The following CADPS2 variants were observed in gnomAD, a reference collection of about 807,000 sequenced individuals.
CADPS2 encodes calcium dependent secretion activator 2, also known as calcium-dependent secretion activator 2.
A neutral mutation model predicts 172.5 loss-of-function variants in CADPS2; 93 were observed. That is an observed-to-expected ratio of 0.54 (90% CI 0.46 to 0.64). CADPS2 has a LOEUF of 0.64. Among genes scored for constraint, CADPS2 ranks in the 30% least tolerant of loss-of-function variants. The pLI is 0.00. For missense variants in CADPS2, 1,420 were observed against 1,565.9 expected (o/e 0.91, Z 1.57); for synonymous variants, 546 against 555.2 (o/e 0.98, Z 0.23).
At chr7:122,576,326 G>C (rs1237649844) in intron 7 of CADPS2, among the ~76,000 whole-genome samples, 1 of 152,084 alleles carries the variant, frequency 6.6e-6, no homozygotes, top group Non-Finnish European at 1.5e-5. Context: ...TCATCACTTG[G>C]TTATCAAGAG....
intron 6 of CADPS2, among the ~76,000 whole-genome samples, chr7:122,586,122 C>T (rs1475907720): frequency 6.6e-6 from 1 of 151,730 alleles, no homozygotes; most frequent in Non-Finnish European, 1.5e-5. Context: ...CAACATAAAA[C>T]CATGCATGAT....
At chr7:122,411,556 T>A (rs2047323633) in intron 19 of CADPS2, among the ~76,000 whole-genome samples, 1 of 152,108 alleles carries the variant, frequency 6.6e-6, no homozygotes, top group African/African-American at 2.4e-5. Context: ...TAAAAATTTA[T>A]AACTTAAAAC....
At chr7:122,852,338 A>C (rs2141122953) in intron 1 of CADPS2, among the ~76,000 whole-genome samples, 1 of 152,346 alleles carries the variant, frequency 6.6e-6, no homozygotes, top group Non-Finnish European at 1.5e-5. Context: ...CAAAACTGAC[A>C]GGAGAATTTT....
chr7:122,619,632 A>T (rs1046177557), intron 5 of CADPS2, among the ~76,000 whole-genome samples: 2 of 152,114 alleles, frequency 1.3e-5, no homozygotes, highest in African/African-American at 4.8e-5. Context: ...GTCTCCAAAC[A>T]AATAAATAAA....
At chr7:122,681,591 A>T in intron 2 of CADPS2, 1 of 1,493,412 alleles carries the variant, frequency 6.7e-7, no homozygotes, top group South Asian at 1.1e-5. Context: ...TGAAGCCCGC[A>T]AGGACCGAAC....
chr7:122,350,191 A>C (rs1373343183), intron 27 of CADPS2, among the ~76,000 whole-genome samples: 1 of 152,124 alleles, frequency 6.6e-6, no homozygotes, highest in African/African-American at 2.4e-5. Flanking sequence ...ACCATTTGAG[A>C]AAAAAGGATC....
At chr7:122,527,582 T>TAG (rs35881192) in intron 8 of CADPS2, among the ~76,000 whole-genome samples, 2,400 of 90,914 alleles carry the variant, frequency 0.026, 43 homozygotes, top group African/African-American at 0.044. Context: ...TAATACTGAA[T>TAG]AGAGAGAGAG....
chr7:122,723,749 T>C (rs540766714), intron 2 of CADPS2, among the ~76,000 whole-genome samples: 1 of 152,210 alleles, frequency 6.6e-6, no homozygotes, highest in African/African-American at 2.4e-5. Flanking sequence ...TGTGGCACCA[T>C]TCACAATAGC....
rs144353079 is a variant in CADPS2, at chr7:122,767,289, C to T, written c.340-30221G>A. ...CATCTCATCTTTACAACTGTGAGGT[C>T]GATGTTATTATTCCTATATTAAAGG... On this transcript the variant is annotated intron_variant, in intron 1 of 29. Coordinates refer to ENST00000449022, the MANE Select transcript of CADPS2 (RefSeq NM_017954.11). Among the ~76,000 whole-genome samples the T allele has an allele frequency of 4.9e-4, 75 of 152,092 alleles. 1 individual carries two copies. In the Middle Eastern group the frequency reaches 0.014, roughly 28 times the overall value.
At position 122,504,752 on chromosome 7, in the gene CADPS2, A is replaced by T. The variant is rs534439674; in HGVS notation, c.1542+8497T>A. Among the ~76,000 whole-genome samples, 5 of 152,172 alleles carry T rather than the reference A, an allele frequency of 3.3e-5. No individual in the cohort carries two copies. In the East Asian group the frequency reaches 9.7e-4, roughly 30 times the overall value. Reference sequence around the variant, plus strand: ...CAGTTAATTAAAAAATAATACAGACATGGGGTCTCACTACGTTGTTCAGAC... The same window carrying T: ...CAGTTAATTAAAAAATAATACAGACTTGGGGTCTCACTACGTTGTTCAGAC... On this transcript the variant is annotated intron_variant, in intron 9 of 29. Coordinates refer to ENST00000449022, the MANE Select transcript of CADPS2 (RefSeq NM_017954.11).
chr7:122,737,380 C>G (rs1043776130), intron 1 of CADPS2, among the ~76,000 whole-genome samples: 1 of 152,094 alleles, frequency 6.6e-6, no homozygotes, highest in African/African-American at 2.4e-5. Flanking sequence ...CCTGCCATCA[C>G]GCCTTGCTAA....
At position 122,416,151 on chromosome 7, in the gene CADPS2, C is replaced by G; in HGVS notation, c.2490G>C (p.Gln830His). Residue 830 changes from glutamine to histidine, a missense_variant, in exon 18 of 30, where the codon CAG becomes CAC. By Grantham distance (24) the Gln-to-His change is conservative. Transcript: ENST00000449022. ...CTTCCAGCTTTCTAGCAGGAGATGC[C>G]TGGTTCATGGTCTCTATATGAAAAA... ...EYAKIEETMN[Q>H]ASPARKLEEI... 1 of 1,543,802 alleles carries G rather than the reference C, an allele frequency of 6.5e-7. No individual in the cohort carries two copies. Among genetic ancestry groups the G allele is most frequent in the East Asian group, 2.4e-5 (1 of 42,114 alleles).
chr7:122,500,781 CT>C (rs1444085321), intron 9 of CADPS2, among the ~76,000 whole-genome samples: 1 of 152,144 alleles, frequency 6.6e-6, no homozygotes, highest in African/African-American at 2.4e-5. Flanking sequence ...TACAAAGACA[CT>C]CTTACCTTCA....
At chr7:122,600,566 G>C (rs918109136) in intron 6 of CADPS2, among the ~76,000 whole-genome samples, 1 of 152,044 alleles carries the variant, frequency 6.6e-6, no homozygotes, top group Non-Finnish European at 1.5e-5. Context: ...ATTTTAATGA[G>C]TTTGCCACAG....
Position 122,706,319 on chromosome 7 carries a change from T to C in CADPS2, c.453+30636A>G, listed in dbSNP as rs543346662. 8.2e-3 allele frequency among the ~76,000 whole-genome samples: 256 copies of C among 31,172 alleles called. 32 individuals carry two copies. Among genetic ancestry groups the C allele is most frequent in the Non-Finnish European group, 0.011 (164 of 14,400 alleles). 20.5% of individuals were successfully genotyped at this position (31,172 alleles called of 152,430 possible). On this transcript the variant is annotated intron_variant, in intron 2 of 29. Coordinates refer to ENST00000449022, the MANE Select transcript of CADPS2 (RefSeq NM_017954.11). ...TATGCTTATATATTCAAGGAATATA[T>C]ATATATGCTTATATATTCAAGGAAT... is the stretch of plus-strand genomic sequence containing the variant.
intron 4 of CADPS2, among the ~76,000 whole-genome samples, chr7:122,622,576 A>T (rs1450699084): frequency 6.6e-6 from 1 of 152,212 alleles, no homozygotes; most frequent in Non-Finnish European, 1.5e-5. Context: ...CCAGAACAGC[A>T]AATGAGAGCA....
intron 14 of CADPS2, among the ~76,000 whole-genome samples, chr7:122,466,266 T>C (rs185244128): frequency 6.6e-6 from 1 of 152,278 alleles, no homozygotes; most frequent in African/African-American, 2.4e-5. Context: ...GTTGCACAGT[T>C]TGAATGGAAG....
intron 1 of CADPS2, among the ~76,000 whole-genome samples, chr7:122,803,852 A>G (rs951281305): frequency 4.6e-5 from 7 of 152,092 alleles, no homozygotes; most frequent in Admixed American, 3.9e-4. Context: ...TTTTCCTAAT[A>G]CACATCTTAT....
chr7:122,876,070 C>G (rs1328019991), intron 1 of CADPS2, among the ~76,000 whole-genome samples: 6 of 152,138 alleles, frequency 3.9e-5, no homozygotes, highest in Non-Finnish European at 4.4e-5. Context: ...CCTGTAATCC[C>G]AGCACTTTGG....
Sources: gnomAD v4.1 joint callset for allele counts (sites outside exome capture counted in the v4.1 genomes callset) on GRCh38, gnomAD v4.1.1 for gene constraint, MANE v1.5 for transcripts, NCBI Gene and HGNC (gene_info 2026-07-23, HGNC 2026-07-21) for gene names.